The following BRWD3 variants were observed in gnomAD, a reference collection of about 807,000 sequenced individuals.
BRWD3 encodes bromodomain and WD repeat-containing protein 3.
BRWD3 carries 10 observed loss-of-function variants against 149.7 expected under a neutral mutation model. That is an observed-to-expected ratio of 0.07 (90% CI 0.04 to 0.11). The LOEUF (loss-of-function observed/expected upper bound fraction) is 0.11. BRWD3 is among the 10% of genes least tolerant of loss of function. The probability of loss-of-function intolerance (pLI) is 1.00; values close to 1 mark genes in which losing one functional copy is unlikely to be tolerated. For missense variants in BRWD3, 940 were observed against 1,373.2 expected, an observed-to-expected ratio of 0.68 and a Z score of 4.99; for synonymous variants, 504 against 456.7, an observed-to-expected ratio of 1.10 and a Z score of -1.32.
intron 8 of BRWD3, among the ~76,000 whole-genome samples, chrX:80,736,875 A>C (rs907946390): frequency 9.0e-6 from 1 of 111,695 alleles, no homozygotes; most frequent in African/African-American, 3.2e-5. Context: ...AAAGCTGAAA[A>C]TTGGACAAGA....
intron 4 of BRWD3, among the ~76,000 whole-genome samples, chrX:80,804,591 T>C (rs758782024): frequency 4.5e-5 from 5 of 111,835 alleles, no homozygotes; most frequent in Non-Finnish European, 7.5e-5. Context: ...AATCTTAAAA[T>C]GTGGTTTTTA....
At chrX:80,743,842 T>C in intron 8 of BRWD3, 190 bp downstream of exon 8, 2 of 396,501 alleles carry the variant, frequency 5.0e-6, no homozygotes, top group Non-Finnish European at 4.4e-6. Context: ...TTTTAGTTAT[T>C]TATTAAAAAA....
chrX:80,793,827 T>C, intron 4 of BRWD3, 55 bp from the exon 5 acceptor site: 1 of 1,053,816 alleles, frequency 9.5e-7, no homozygotes, highest in Non-Finnish European at 1.3e-6. Context: ...TTTAAAAATA[T>C]AAATCTATTC....
At chrX:80,762,569 G>C (rs536205669) in intron 6 of BRWD3, among the ~76,000 whole-genome samples, 1 of 110,114 alleles carries the variant, frequency 9.1e-6, no homozygotes, top group Non-Finnish European at 1.9e-5. Flanking sequence ...ATGTGTTGGG[G>C]GGGTGGGGAA....
At chrX:80,733,856 T>C (rs1311250234) in intron 11 of BRWD3, among the ~76,000 whole-genome samples, 1 of 111,781 alleles carries the variant, frequency 8.9e-6, no homozygotes, top group Non-Finnish European at 1.9e-5. Flanking sequence ...TGTTTGAAAA[T>C]AAATCAATCA....
intron 20 of BRWD3, among the ~76,000 whole-genome samples, chrX:80,713,630 T>C (rs1361666896): frequency 9.1e-6 from 1 of 109,641 alleles, no homozygotes; most frequent in Non-Finnish European, 1.9e-5. Context: ...TTCCCTCCAC[T>C]ATTGTCCTAT....
At chrX:80,715,123 A>G (rs565524714) in intron 20 of BRWD3, among the ~76,000 whole-genome samples, 2 of 110,765 alleles carry the variant, frequency 1.8e-5, no homozygotes, top group South Asian at 7.7e-4. Flanking sequence ...TACCCTGTCC[A>G]TTAGTCTCAG....
At chrX:80,684,722 T>G (rs765227841) in intron 36 of BRWD3, among the ~76,000 whole-genome samples, 1 of 111,444 alleles carries the variant, frequency 9.0e-6, no homozygotes, top group East Asian at 2.8e-4. Context: ...TTCATTTGAT[T>G]TTGATTAGGG....
In BRWD3 at chrX:80,729,945, T is replaced by C; in HGVS notation, c.1203A>G (p.Ile401Met). 8.3e-7 allele frequency: 1 copy of C among 1,204,044 alleles called. No individual in the cohort carries two copies. Among genetic ancestry groups the C allele is most frequent in the East Asian group, 3.0e-5 (1 of 33,789 alleles). ...TCATTTTAGTAGCCATGTCTAGCAC[T>C]ATACTCTTCCATTCTTGTTGCTGAT... ...WQYQQQEWKS[I>M]VLDMATKMTG... is the part of the protein sequence containing the mutation. Residue 401 changes from isoleucine to methionine, a missense_variant, in exon 13 of 41, where the codon ATA (isoleucine) becomes ATG (methionine). Ile to Met is a conservative substitution (Grantham distance 10). This residue lies in a region of BRWD3 where 209 missense variants were observed against 396.8 expected (regional missense o/e 0.53). Transcript: ENST00000373275.
At chrX:80,800,436 A>T (rs1179835370) in intron 4 of BRWD3, among the ~76,000 whole-genome samples, 1 of 106,115 alleles carries the variant, frequency 9.4e-6, no homozygotes, top group Non-Finnish European at 1.9e-5. Flanking sequence ...CAGCTATCAG[A>T]GGCTGAGGTG....
chrX:80,800,366 A>AT (rs2074279882), intron 4 of BRWD3, among the ~76,000 whole-genome samples: 1 of 105,943 alleles, frequency 9.4e-6, no homozygotes, highest in South Asian at 4.4e-4. Flanking sequence ...AAAAAGTGAG[A>AT]TCCCATCTCT....
At position 80,673,398 on chromosome X, in the gene BRWD3, G is replaced by T. The variant is rs1017176551; in HGVS notation, c.*3211C>A. The T allele has an allele frequency of 1.8e-5, 2 of 111,525 alleles. No individual in the cohort carries two copies. The highest frequency in any genetic ancestry group is 1.9e-4 in the Admixed American group (2 of 10,459). The allele number at this position is 111,525 out of a possible 1,213,427, so 9.2% of individuals were successfully genotyped here. A position where few individuals can be genotyped will look rare whatever the true frequency, so the allele number is the denominator to read the frequency against. On this transcript the variant is annotated 3_prime_UTR_variant, in exon 41 of 41. Transcript: ENST00000373275. ...GAATGATCAAGCAGTAAATATACAGGCTAAGAGCTGTAGAGAGGCAAAAAG... is the reference window on the plus strand; with the variant it reads ...GAATGATCAAGCAGTAAATATACAGTCTAAGAGCTGTAGAGAGGCAAAAAG...
At chrX:80,772,735 T>C (rs73227326) in intron 6 of BRWD3, among the ~76,000 whole-genome samples, 3,819 of 111,572 alleles carry the variant, frequency 0.034, 76 homozygotes, top group South Asian at 0.15. Context: ...AATTACAAAC[T>C]TGGGCATTTA....
intron 8 of BRWD3, among the ~76,000 whole-genome samples, chrX:80,742,288 G>C (rs1239273273): frequency 9.1e-6 from 1 of 110,491 alleles, no homozygotes; most frequent in African/African-American, 3.3e-5. Context: ...TTTAGTACCA[G>C]TACCATGCTG....
chrX:80,689,647 T>A (rs2072584582), intron 33 of BRWD3, 121 bp downstream of exon 33: 1 of 590,442 alleles, frequency 1.7e-6, no homozygotes, highest in African/African-American at 2.3e-5. Context: ...GACGCTGGTA[T>A]TCAGCCAGAT....
chrX:80,796,942 G>T (rs1393567552), intron 4 of BRWD3, among the ~76,000 whole-genome samples: 1 of 111,399 alleles, frequency 9.0e-6, no homozygotes, highest in East Asian at 2.8e-4. Flanking sequence ...GGGAGGCCGA[G>T]GAGGGAGGGT....
intron 18 of BRWD3, 95 bp from the exon 19 acceptor site, chrX:80,717,854 G>A (rs754746250): frequency 2.4e-5 from 18 of 748,740 alleles, no homozygotes; most frequent in South Asian, 9.0e-5. Flanking sequence ...TTCAAATATA[G>A]TACTGCTGTA....
At chrX:80,724,518 T>A (rs1330794967) in intron 15 of BRWD3, among the ~76,000 whole-genome samples, 1 of 111,753 alleles carries the variant, frequency 8.9e-6, no homozygotes, top group Non-Finnish European at 1.9e-5. Flanking sequence ...AGAACATCCG[T>A]ATCTCCAAGT....
chrX:80,751,087 G>A (rs979948420), intron 6 of BRWD3, among the ~76,000 whole-genome samples: 12 of 111,236 alleles, frequency 1.1e-4, no homozygotes, highest in Non-Finnish European at 2.1e-4. Flanking sequence ...GTTACCACAG[G>A]ATACAAGGAA....
Sources: allele counts gnomAD v4.1 joint callset (sites outside exome capture counted in the v4.1 genomes callset), GRCh38; gene constraint gnomAD v4.1.1; regional missense constraint gnomAD v4.1.1; transcripts MANE v1.5; gene names NCBI Gene and HGNC (gene_info 2026-07-23, HGNC 2026-07-21).